Variants in KCNIP4 observed in about 807,000 individuals in gnomAD.
KCNIP4 encodes Kv channel-interacting protein 4.
KCNIP4 carries 12 observed loss-of-function variants against 34.0 expected under a neutral mutation model. The observed-to-expected ratio is 0.35, with a 90% CI of 0.23 to 0.57. The LOEUF is 0.57. Ranked by LOEUF, KCNIP4 falls within the 20% of genes least tolerant of loss-of-function variation. The pLI, the probability that KCNIP4 is intolerant of heterozygous loss-of-function variation, is 0.83. For synonymous variants in KCNIP4, 124 were observed against 102.2 expected (o/e 1.21, Z -1.29); for missense variants, 238 against 311.7 (o/e 0.76, Z 1.78).
intron 1 of KCNIP4, among the ~76,000 whole-genome samples, chr4:20,949,524 C>T (rs891256706): frequency 6.6e-6 from 1 of 151,902 alleles, no homozygotes; most frequent in Non-Finnish European, 1.5e-5. Flanking sequence ...ACCCAAAGGA[C>T]TATAAATCAT....
chr4:20,893,334 T>TAGGGTTC (rs1726144934), intron 1 of KCNIP4, among the ~76,000 whole-genome samples: 1 of 152,220 alleles, frequency 6.6e-6, no homozygotes, highest in Non-Finnish European at 1.5e-5. Flanking sequence ...TTTGGAACTT[T>TAGGGTTC]AGGGTTCAGG....
intron 3 of KCNIP4, among the ~76,000 whole-genome samples, chr4:20,816,457 C>T (rs1397958608): frequency 6.6e-6 from 1 of 152,064 alleles, no homozygotes; most frequent in Admixed American, 6.6e-5. Flanking sequence ...GCGCAGACTG[C>T]GGGCAAGACA....
chr4:21,834,717 T>C lies in KCNIP4; in HGVS notation c.61+113854A>G, dbSNP rs1383247014. Among the ~76,000 whole-genome samples the C allele has an allele frequency of 2.6e-5, 4 of 151,762 alleles. No homozygotes were observed. In the East Asian group the frequency reaches 7.8e-4, roughly 29 times the overall value. ...CAGTTTTTGCCCATTCAGTATGATA[T>C]TGGCTGTGGGTTTGTCATAGATAGC... On this transcript the variant is annotated intron_variant, in intron 1 of 8. Transcript: ENST00000382152.
At chr4:21,795,866 G>C (rs207464390) in intron 1 of KCNIP4, among the ~76,000 whole-genome samples, 1 of 152,154 alleles carries the variant, frequency 6.6e-6, no homozygotes, top group Admixed American at 6.5e-5. Flanking sequence ...CCAGGAGTTT[G>C]AGACCAGACT....
At position 20,857,372 on chromosome 4, in the gene KCNIP4, G is replaced by C. The variant is rs1172241147; in HGVS notation, c.164-6705C>G. 2.0e-5 allele frequency among the ~76,000 whole-genome samples: 3 copies of C among 152,118 alleles called. No homozygotes were observed. In the South Asian group the frequency reaches 6.2e-4, roughly 32 times the overall value. On this transcript the variant is annotated intron_variant, in intron 2 of 8. Transcript: ENST00000382152. ...GTATTTTGGGTGGTTTTAACCCAGTGCCTAACATTTATTGAGCCCTTGTTG... is the reference window on the plus strand; with the variant it reads ...GTATTTTGGGTGGTTTTAACCCAGTCCCTAACATTTATTGAGCCCTTGTTG...
At chr4:20,765,157 G>A (rs899824123) in intron 3 of KCNIP4, among the ~76,000 whole-genome samples, 1 of 152,142 alleles carries the variant, frequency 6.6e-6, no homozygotes, top group Non-Finnish European at 1.5e-5. Context: ...ATACAGGAAT[G>A]AGTTTTTAAA....
chr4:20,897,965 T>C (rs1726740486), intron 1 of KCNIP4, among the ~76,000 whole-genome samples: 1 of 152,170 alleles, frequency 6.6e-6, no homozygotes, highest in Non-Finnish European at 1.5e-5. Flanking sequence ...TGGGTCTGTG[T>C]TTCCAGAAGA....
chr4:21,043,339 T>C (rs1056396778), intron 1 of KCNIP4, among the ~76,000 whole-genome samples: 4 of 152,184 alleles, frequency 2.6e-5, no homozygotes, highest in African/African-American at 9.6e-5. Flanking sequence ...TCTGTTTGTT[T>C]GTTTGTTTGA....
At chr4:21,257,879 CA>C (rs1761176897) in intron 1 of KCNIP4, among the ~76,000 whole-genome samples, 1 of 152,150 alleles carries the variant, frequency 6.6e-6, no homozygotes, top group Non-Finnish European at 1.5e-5. Context: ...AAAACACTGC[CA>C]GACATAGCCA....
chr4:21,379,795 G>A (rs1182716768), intron 1 of KCNIP4, among the ~76,000 whole-genome samples: 1 of 152,104 alleles, frequency 6.6e-6, no homozygotes, highest in Non-Finnish European at 1.5e-5. Context: ...TGGCCTTCCT[G>A]TATAGAAATT....
chr4:21,734,150 G>A (rs924113862), intron 1 of KCNIP4, among the ~76,000 whole-genome samples: 5 of 151,956 alleles, frequency 3.3e-5, no homozygotes, highest in African/African-American at 1.2e-4. Flanking sequence ...AATTATTCTG[G>A]GCTACCAAAG....
chr4:21,041,573 G>A (rs191897871), intron 1 of KCNIP4, among the ~76,000 whole-genome samples: 25 of 152,142 alleles, frequency 1.6e-4, no homozygotes, highest in African/African-American at 5.1e-4. Context: ...CCCCACATCT[G>A]GGAAAGACAC....
At chr4:21,597,913 T>C (rs765935117) in intron 1 of KCNIP4, among the ~76,000 whole-genome samples, 1 of 152,018 alleles carries the variant, frequency 6.6e-6, no homozygotes, top group Non-Finnish European at 1.5e-5. Flanking sequence ...TATATTTAGC[T>C]ATAAAGGAGA....
At chr4:21,663,880 CAG>C (rs1259231297) in intron 1 of KCNIP4, among the ~76,000 whole-genome samples, 8 of 152,206 alleles carry the variant, frequency 5.3e-5, no homozygotes, top group African/African-American at 1.9e-4. Context: ...GCAACTTCCT[CAG>C]AGTCACAGTG....
intron 2 of KCNIP4, among the ~76,000 whole-genome samples, chr4:20,859,106 C>T (rs560246915): frequency 8.5e-5 from 13 of 152,112 alleles, no homozygotes; most frequent in South Asian, 4.1e-4. Context: ...GAAAATATGC[C>T]GGGGCACCTT....
At chr4:21,696,394 C>A (rs1051616715) in intron 1 of KCNIP4, among the ~76,000 whole-genome samples, 2 of 152,128 alleles carry the variant, frequency 1.3e-5, no homozygotes, top group African/African-American at 4.8e-5. Context: ...ATCCTTACAT[C>A]ATCCTTACTT....
intron 1 of KCNIP4, among the ~76,000 whole-genome samples, chr4:21,832,959 A>G (rs1232080956): frequency 2.0e-5 from 3 of 149,042 alleles, no homozygotes; most frequent in Admixed American, 1.3e-4. Flanking sequence ...CATGGTGTAT[A>G]TGTGCCACAT....
At chr4:21,579,302 G>A (rs780149471) in intron 1 of KCNIP4, among the ~76,000 whole-genome samples, 1 of 152,032 alleles carries the variant, frequency 6.6e-6, no homozygotes, top group African/African-American at 2.4e-5. Flanking sequence ...ATGAGCCTAC[G>A]AGTTCATCCA....
At chr4:21,417,600 G>T (rs1385554235) in intron 1 of KCNIP4, among the ~76,000 whole-genome samples, 1 of 152,108 alleles carries the variant, frequency 6.6e-6, no homozygotes, top group Non-Finnish European at 1.5e-5. Flanking sequence ...AATCAGAGCT[G>T]GATCTGGCTG....
Sources: gnomAD v4.1 joint callset for allele counts (sites outside exome capture counted in the v4.1 genomes callset) on GRCh38, gnomAD v4.1.1 for gene constraint, MANE v1.5 for transcripts, NCBI Gene and HGNC (gene_info 2026-07-23, HGNC 2026-07-21) for gene names.